The following SGCD variants were observed in gnomAD, a reference collection of about 807,000 sequenced individuals.
SGCD encodes the protein sarcoglycan delta, also known as delta-sarcoglycan.
SGCD carries 18 observed loss-of-function variants against 36.6 expected under a neutral mutation model. The observed-to-expected ratio is 0.49, with a 90% CI of 0.34 to 0.73. The LOEUF (loss-of-function observed/expected upper bound fraction) is 0.73, where lower values mean the gene tolerates loss of function less well. SGCD is among the 30% of genes least tolerant of loss of function. The pLI, the probability that SGCD is intolerant of heterozygous loss-of-function variation, is 0.01. For missense variants in SGCD, 387 were observed against 346.7 expected (o/e 1.12, Z -0.92); for synonymous variants, 133 against 130.6 (o/e 1.02, Z -0.12).
At chr5:156,482,063 G>A (rs17638584) in intron 3 of SGCD, among the ~76,000 whole-genome samples, 3 of 152,002 alleles carry the variant, frequency 2.0e-5, no homozygotes, top group Admixed American at 6.6e-5. Flanking sequence ...GTCACAGTCC[G>A]AATGTCAGGT....
At chr5:156,407,084 A>G (rs1293538324) in intron 3 of SGCD, among the ~76,000 whole-genome samples, 1 of 151,972 alleles carries the variant, frequency 6.6e-6, no homozygotes, top group Non-Finnish European at 1.5e-5. Context: ...CTGGAAGCTT[A>G]TTAGATGGTG....
At chr5:156,464,216 A>AT (rs773294916) in intron 3 of SGCD, among the ~76,000 whole-genome samples, 46,310 of 116,218 alleles carry the variant, frequency 0.4, 9,880 homozygotes, top group South Asian at 0.56. Context: ...GAATCTACAT[A>AT]TTTTTTTTTT....
upstream of SGCD, among the ~76,000 whole-genome samples, chr5:155,865,969 C>A (rs970697560): frequency 6.6e-6 from 1 of 152,038 alleles, no homozygotes; most frequent in African/African-American, 2.4e-5. Flanking sequence ...CATAGTTTAT[C>A]TCAGTCATTA....
At chr5:155,798,315 A>G in the SGCD span, among the ~76,000 whole-genome samples, 1 of 152,166 alleles carries the variant, frequency 6.6e-6, no homozygotes, top group Admixed American at 6.5e-5. Context: ...AAGTGACACC[A>G]AGTATTTTCA....
At chr5:156,553,879 C>T (rs1758894725) in intron 4 of SGCD, among the ~76,000 whole-genome samples, 1 of 152,092 alleles carries the variant, frequency 6.6e-6, no homozygotes, top group African/African-American at 2.4e-5. Flanking sequence ...TTGAGTTGTT[C>T]CTGCTTTTTG....
At chr5:156,084,991 G>A (rs1407008439) in intron 1 of SGCD, among the ~76,000 whole-genome samples, 1 of 152,178 alleles carries the variant, frequency 6.6e-6, no homozygotes. Flanking sequence ...GGATTACACA[G>A]ATTAATTTTT....
upstream of SGCD, among the ~76,000 whole-genome samples, chr5:156,325,236 G>C (rs749795863): frequency 4.0e-5 from 6 of 151,828 alleles, no homozygotes; most frequent in Non-Finnish European, 7.4e-5. Context: ...TAAGGTGACA[G>C]GCCCCTATTA....
intron 1 of SGCD, among the ~76,000 whole-genome samples, chr5:155,918,640 A>T (rs1486805408): frequency 6.6e-6 from 1 of 152,192 alleles, no homozygotes; most frequent in Non-Finnish European, 1.5e-5. Context: ...TTTCTAGAAC[A>T]CCAAACTTGA....
intron 1 of SGCD, among the ~76,000 whole-genome samples, chr5:155,878,504 A>T (rs1755811584): frequency 6.6e-6 from 1 of 152,006 alleles, no homozygotes; most frequent in Non-Finnish European, 1.5e-5. Context: ...ACTTTATATC[A>T]TATTGGCAAA....
rs138377466 is a variant in SGCD, at chr5:156,553,776, C to T, written c.295-35455C>T. Among the ~76,000 whole-genome samples the T allele has an allele frequency of 1.3e-3, 193 of 152,202 alleles. No homozygotes were observed. The Middle Eastern group carries it at 0.024, about 19-fold the overall frequency. ...TCTTCAAGGTTCATTCATATTGGGG[C>T]CTATATCTGTACTTCATTGCTTTTT... On this transcript the variant is annotated intron_variant, in intron 4 of 8. Transcript: ENST00000337851.
At chr5:155,928,533 T>G (rs181567595) in intron 1 of SGCD, among the ~76,000 whole-genome samples, 139 of 151,872 alleles carry the variant, frequency 9.2e-4, no homozygotes, top group African/African-American at 3.2e-3. Flanking sequence ...CTGGGTTCGG[T>G]GGTGCACACC....
chr5:155,878,401 C>T (rs1034589945), intron 1 of SGCD, among the ~76,000 whole-genome samples: 1 of 151,970 alleles, frequency 6.6e-6, no homozygotes, highest in African/African-American at 2.4e-5. Context: ...GCAGCCCAGA[C>T]AGTGGTGACC....
At chr5:156,481,556 C>T (rs182243322) in intron 3 of SGCD, among the ~76,000 whole-genome samples, 89 of 152,254 alleles carry the variant, frequency 5.8e-4, no homozygotes, top group Non-Finnish European at 6.0e-4. Context: ...CCGTGGGTGC[C>T]TAATTTGAAA....
At chr5:155,956,806 C>T (rs891911) in intron 1 of SGCD, among the ~76,000 whole-genome samples, 5 of 149,936 alleles carry the variant, frequency 3.3e-5, no homozygotes, top group African/African-American at 7.4e-5. Flanking sequence ...GGCCCCCCCC[C>T]CCGGTTAATC....
Position 156,765,549 on chromosome 5 carries a change from A to G in SGCD, c.*6159A>G, listed in dbSNP as rs1757572517. ...TGGGAAGAGTTGTATTCTATTATTC[A>G]ATTTTAAGAATATTTATTAATATTC... On this transcript the variant is annotated 3_prime_UTR_variant, in exon 9 of 9. Transcript: ENST00000337851. 1 of 152,184 alleles carries G rather than the reference A, an allele frequency of 6.6e-6. No homozygotes were observed. Among genetic ancestry groups the G allele is most frequent in the African/African-American group, 2.4e-5 (1 of 41,436 alleles). The allele number at this position is 152,184 out of a possible 1,614,324, so 9.4% of individuals were successfully genotyped here. A position where few individuals can be genotyped will look rare whatever the true frequency, so the allele number is the denominator to read the frequency against.
At chr5:156,462,475 G>A (rs981289860) in intron 3 of SGCD, among the ~76,000 whole-genome samples, 7 of 152,020 alleles carry the variant, frequency 4.6e-5, no homozygotes, top group African/African-American at 1.7e-4. Context: ...CACAAAGAAA[G>A]GAAAGGACTT....
chr5:156,507,505 A>G (rs1756751379), intron 3 of SGCD, among the ~76,000 whole-genome samples: 1 of 152,222 alleles, frequency 6.6e-6, no homozygotes, highest in Non-Finnish European at 1.5e-5. Flanking sequence ...TAAACCACTA[A>G]GTTTTGTTAT....
At chr5:156,041,360 C>T (rs535261689) in intron 1 of SGCD, among the ~76,000 whole-genome samples, 23 of 152,234 alleles carry the variant, frequency 1.5e-4, no homozygotes, top group East Asian at 7.7e-4. Flanking sequence ...TCCTCATTTG[C>T]GCATGGAAGA....
chr5:156,153,203 A>T (rs1479033034), intron 3 of SGCD, among the ~76,000 whole-genome samples: 1 of 151,490 alleles, frequency 6.6e-6, no homozygotes, highest in African/African-American at 2.4e-5. Context: ...AGAGTCATAG[A>T]TAAGTAGCCT....
Sources: gnomAD v4.1 joint callset for allele counts (sites outside exome capture counted in the v4.1 genomes callset) on GRCh38, gnomAD v4.1.1 for gene constraint, MANE v1.5 for transcripts, NCBI Gene and HGNC (gene_info 2026-07-23, HGNC 2026-07-21) for gene names.